The following NIPAL2 variants were observed in gnomAD, a reference collection of about 807,000 sequenced individuals.
NIPAL2 encodes NIPA-like protein 2.
Under a neutral mutation model 48.9 loss-of-function variants are expected in NIPAL2, and 43 were observed. The observed-to-expected ratio is 0.88, with a 90% confidence interval of 0.69 to 1.13. NIPAL2 has a LOEUF of 1.13. Ranked by LOEUF, NIPAL2 falls within the 50% of genes most tolerant of loss-of-function variation. The pLI is 0.00. For synonymous variants in NIPAL2, 167 were observed against 174.6 expected (o/e 0.96, Z 0.34); for missense variants, 446 against 461.4 (o/e 0.97, Z 0.31).
Position 98,191,241 on chromosome 8 carries a change from C to A in NIPAL2, c.*1737G>T, listed in dbSNP as rs369234818. The stretch of plus-strand genomic sequence containing the variant: ...AATTGTTTTCTCAATCTTTGTAAAC[C>A]AGTTTTAAGAGTCACCAGAAATCTG... On this transcript the variant is annotated 3_prime_UTR_variant, in exon 11 of 11. Transcript: ENST00000430223. The A allele has an allele frequency of 2.6e-5, 4 of 152,118 alleles. No individual in the cohort carries two copies. Among genetic ancestry groups the A allele is most frequent in the African/African-American group, 9.7e-5 (4 of 41,416 alleles). 9.4% of individuals were successfully genotyped at this position (152,118 alleles called of 1,614,324 possible).
In NIPAL2 at chr8:98,191,802, G is replaced by A. The variant is rs908820695; in HGVS notation, c.*1176C>T. ...AAATGTGTCTTAGCAGATATGTGAT[G>A]AATTGGAGTGGAAAAGCCATTCAGG... On this transcript the variant is annotated 3_prime_UTR_variant, in exon 11 of 11. Transcript: ENST00000430223. 1 of 152,206 alleles carries A rather than the reference G, an allele frequency of 6.6e-6. No homozygotes were observed. The highest frequency in any genetic ancestry group is 2.1e-4 in the South Asian group (1 of 4,832). The allele number at this position is 152,206 out of a possible 1,614,324, so 9.4% of individuals were successfully genotyped here. A position where few individuals can be genotyped will look rare whatever the true frequency, so the allele number is the denominator to read the frequency against.
chr8:98,260,418 C>T (rs1035521069), intron 1 of NIPAL2, among the ~76,000 whole-genome samples: 2 of 152,184 alleles, frequency 1.3e-5, no homozygotes, highest in Non-Finnish European at 2.9e-5. Context: ...TCAGTGGGTG[C>T]GCGCACCGTG....
At chr8:98,241,687 C>T (rs1229270327) in intron 3 of NIPAL2, among the ~76,000 whole-genome samples, 1 of 152,122 alleles carries the variant, frequency 6.6e-6, no homozygotes, top group African/African-American at 2.4e-5. Context: ...TGGAAAATTA[C>T]ACAGTGATAT....
At chr8:98,263,814 G>A in intron 1 of NIPAL2, among the ~76,000 whole-genome samples, 1 of 5,210 alleles carries the variant, frequency 1.9e-4, no homozygotes, top group Non-Finnish European at 3.1e-4. Flanking sequence ...AAGCCAGGCA[G>A]AGACACAACA....
intron 1 of NIPAL2, among the ~76,000 whole-genome samples, chr8:98,264,640 C>G (rs1284795953): frequency 1.1e-4 from 16 of 150,092 alleles, no homozygotes; most frequent in Non-Finnish European, 1.5e-4. Context: ...AGGATACAAA[C>G]AAATGGAAGA....
intron 1 of NIPAL2, among the ~76,000 whole-genome samples, chr8:98,269,744 T>C (rs1252844580): frequency 6.6e-6 from 1 of 152,114 alleles, no homozygotes; most frequent in Non-Finnish European, 1.5e-5. Flanking sequence ...GTTAGAAGGG[T>C]ATGTTCGCAA....
Position 98,195,930 on chromosome 8 carries a change from A to G in NIPAL2, c.944+12T>C. The G allele has an allele frequency of 1.3e-6, 2 of 1,547,582 alleles. No individual in the cohort carries two copies. The highest frequency in any genetic ancestry group is 1.8e-6 in the Non-Finnish European group (2 of 1,127,608). Reference sequence around the variant, plus strand: ...GAATTTCACATGCTTTACCTCTGAGACATTTACTCACCCAAAAAGATATAT... The same window carrying G: ...GAATTTCACATGCTTTACCTCTGAGGCATTTACTCACCCAAAAAGATATAT... On this transcript the variant is annotated intron_variant, in intron 9 of 10. Transcript: ENST00000430223.
At chr8:98,236,872 A>G (rs1812743645) in intron 3 of NIPAL2, among the ~76,000 whole-genome samples, 1 of 149,676 alleles carries the variant, frequency 6.7e-6, no homozygotes, top group East Asian at 1.9e-4. Flanking sequence ...AAAAAAAAAA[A>G]AAAGGACAGG....
intron 6 of NIPAL2, among the ~76,000 whole-genome samples, chr8:98,205,490 T>C (rs188709717): frequency 3.3e-5 from 5 of 151,940 alleles, no homozygotes; most frequent in African/African-American, 1.2e-4. Context: ...TTTTTTTTTT[T>C]ATCTGTGGAG....
At chr8:98,291,574 A>G (rs186647225) in intron 1 of NIPAL2, among the ~76,000 whole-genome samples, 212 of 152,354 alleles carry the variant, frequency 1.4e-3, no homozygotes, top group Non-Finnish European at 2.1e-3. Context: ...TAATATTCAC[A>G]GAAGGAAGAG....
chr8:98,236,231 C>A lies in NIPAL2; in HGVS notation c.377-17G>T. ...TGGCACTACCTATAAAGAAAATGGC[C>A]ATTAGTGGTAGTTCCAATATAAAAG... On this transcript the variant is annotated splice_polypyrimidine_tract_variant and intron_variant, in intron 3 of 10. Coordinates refer to ENST00000430223, the MANE Select transcript of NIPAL2 (RefSeq NM_001321635.2). 1 of 1,569,314 alleles carries A rather than the reference C, an allele frequency of 6.4e-7. No individual in the cohort carries two copies. Among genetic ancestry groups the A allele is most frequent in the South Asian group, 1.2e-5 (1 of 86,780 alleles).
At chr8:98,258,633 G>C (rs1361320149) in intron 1 of NIPAL2, among the ~76,000 whole-genome samples, 1 of 152,166 alleles carries the variant, frequency 6.6e-6, no homozygotes, top group African/African-American at 2.4e-5. Context: ...TGTAAAAATA[G>C]GTGAGTCTTG....
At chr8:98,242,974 A>G (rs183016590) in intron 3 of NIPAL2, among the ~76,000 whole-genome samples, 22 of 152,354 alleles carry the variant, frequency 1.4e-4, no homozygotes, top group Non-Finnish European at 3.1e-4. Context: ...AAAGTTTGAA[A>G]AGATAACATG....
chr8:98,214,192 C>A (rs1289520481), intron 5 of NIPAL2, among the ~76,000 whole-genome samples: 1 of 149,382 alleles, frequency 6.7e-6, no homozygotes, highest in Non-Finnish European at 1.5e-5. Context: ...GAGATGGAGT[C>A]TCACTCTGTT....
intron 3 of NIPAL2, among the ~76,000 whole-genome samples, chr8:98,240,269 T>C (rs1054367554): frequency 2.8e-4 from 42 of 152,152 alleles, no homozygotes; most frequent in African/African-American, 1.0e-3. Flanking sequence ...AAGACATGGG[T>C]CTACAGAGAG....
chr8:98,238,433 T>C (rs1224918767), intron 3 of NIPAL2, among the ~76,000 whole-genome samples: 2 of 152,202 alleles, frequency 1.3e-5, no homozygotes, highest in East Asian at 1.9e-4. Context: ...CAATTTGCCA[T>C]GTCATCAAGA....
Position 98,229,084 on chromosome 8 carries a change from G to A in NIPAL2, c.437-6484C>T, listed in dbSNP as rs1346764159. 2.6e-5 allele frequency among the ~76,000 whole-genome samples: 4 copies of A among 152,216 alleles called. No individual in the cohort carries two copies. The East Asian group carries it at 7.7e-4, about 29-fold the overall frequency. ...GGGTAAGCTGCAGGTAAGAGCCAAT[G>A]TCTAGATGCTAGATGCTACCCACAA... On this transcript the variant is annotated intron_variant, in intron 4 of 10. Coordinates refer to ENST00000430223, the MANE Select transcript of NIPAL2 (RefSeq NM_001321635.2).
intron 1 of NIPAL2, among the ~76,000 whole-genome samples, chr8:98,286,709 T>C (rs1816184630): frequency 1.3e-5 from 2 of 149,734 alleles, no homozygotes; most frequent in Admixed American, 1.3e-4. Flanking sequence ...CTCAGGAGGC[T>C]GCGGCAGGAG....
chr8:98,263,121 T>C (rs1814465510), intron 1 of NIPAL2, among the ~76,000 whole-genome samples: 1 of 142,478 alleles, frequency 7.0e-6, no homozygotes, highest in Non-Finnish European at 1.5e-5. Context: ...TGGGACGCAT[T>C]CAAAGCAGTG....
Sources: allele counts gnomAD v4.1 joint callset (sites outside exome capture counted in the v4.1 genomes callset), GRCh38; gene constraint gnomAD v4.1.1; transcripts MANE v1.5; gene names NCBI Gene and HGNC (gene_info 2026-07-23, HGNC 2026-07-21).